The following CTPS2 variants were observed in gnomAD, a reference collection of about 807,000 sequenced individuals.
The protein encoded by CTPS2 is CTP synthase 2.
A neutral mutation model predicts 46.8 loss-of-function variants in CTPS2; 19 were observed. The observed-to-expected ratio is 0.41, with a 90% confidence interval of 0.28 to 0.60. The LOEUF is 0.60. Among genes scored for constraint, CTPS2 ranks in the 20% least tolerant of loss-of-function variants. The probability of loss-of-function intolerance (pLI) is 0.35; values close to 1 mark genes in which losing one functional copy is unlikely to be tolerated. For synonymous variants in CTPS2, 151 were observed against 165.2 expected (o/e 0.91, Z 0.66); for missense variants, 286 against 447.6 (o/e 0.64, Z 3.26).
At chrX:16,646,947 T>C (rs777972074) in intron 13 of CTPS2, among the ~76,000 whole-genome samples, 1 of 112,004 alleles carries the variant, frequency 8.9e-6, no homozygotes, top group Non-Finnish European at 1.9e-5. Flanking sequence ...GTGCCTGTCG[T>C]TTCCCCCCTT....
rs770159997 is a variant in CTPS2 at position 16,590,804 on chromosome X, C to T, written c.1750G>A (p.Glu584Lys). 8 of 1,197,497 alleles carry T rather than the reference C, an allele frequency of 6.7e-6. No individual in the cohort carries two copies. The highest frequency in any genetic ancestry group is 7.9e-6 in the Non-Finnish European group (7 of 883,110). The change falls in exon 18 of 19, where the codon GAA (glutamate) becomes AAA (lysine). Residue 584 changes from glutamate to lysine, a missense_variant. Coordinates refer to ENST00000359276, the MANE Select transcript of CTPS2 (RefSeq NM_175859.3). ...GTCATGTATTCATTTCAGCTTATTTCCAACTCAGCTATCCTTGGCTCTGAA... is the reference window on the plus strand; with the variant it reads ...GTCATGTATTCATTTCAGCTTATTTTCAACTCAGCTATCCTTGGCTCTGAA... ...SFSEPRIAELEIS is the reference protein window; with the variant it reads ...SFSEPRIAELKIS
At chrX:16,668,739 G>C (rs1921432212) in intron 11 of CTPS2, among the ~76,000 whole-genome samples, 1 of 85,650 alleles carries the variant, frequency 1.2e-5, no homozygotes, top group African/African-American at 4.6e-5. Flanking sequence ...GGGAGAAAGA[G>C]AGAAAGAAAG....
chrX:16,661,772 G>A (rs933302690), intron 13 of CTPS2, among the ~76,000 whole-genome samples: 4 of 111,003 alleles, frequency 3.6e-5, no homozygotes, highest in African/African-American at 6.5e-5. Flanking sequence ...TTTGCATCTC[G>A]TTAAAATGCT....
chrX:16,671,072 T>A (rs952724931), intron 10 of CTPS2, among the ~76,000 whole-genome samples: 3 of 111,875 alleles, frequency 2.7e-5, no homozygotes, highest in Non-Finnish European at 3.8e-5. Context: ...AAAATCAGCC[T>A]AAGATTTCAA....
chrX:16,599,476 CTTT>C (rs56794396), intron 17 of CTPS2, among the ~76,000 whole-genome samples: 4 of 86,212 alleles, frequency 4.6e-5, no homozygotes, highest in African/African-American at 4.6e-5. Flanking sequence ...TCTTTTTTTT[CTTT>C]TTTTTTTTTT....
At chrX:16,706,221 C>T (rs1235808251) in intron 1 of CTPS2, among the ~76,000 whole-genome samples, 4 of 106,873 alleles carry the variant, frequency 3.7e-5, no homozygotes, top group East Asian at 3.0e-4. Context: ...ATCAGGAGTT[C>T]GAGACCAGCC....
intron 8 of CTPS2, among the ~76,000 whole-genome samples, chrX:16,684,875 G>A (rs1177721249): frequency 8.9e-6 from 1 of 111,748 alleles, no homozygotes; most frequent in East Asian, 2.8e-4. Context: ...CAGATCACTT[G>A]AGATCAGGAG....
At chrX:16,648,793 G>A (rs928408168) in intron 13 of CTPS2, among the ~76,000 whole-genome samples, 7 of 112,189 alleles carry the variant, frequency 6.2e-5, no homozygotes, top group Admixed American at 1.9e-4. Flanking sequence ...CAAGACTGGC[G>A]GGAAGCTTTT....
intron 15 of CTPS2, among the ~76,000 whole-genome samples, chrX:16,619,579 G>A (rs1930709565): frequency 1.8e-5 from 2 of 110,367 alleles, no homozygotes; most frequent in African/African-American, 6.6e-5. Context: ...GCCATGCCTG[G>A]AGCCTGTCCA....
chrX:16,639,096 C>A, intron 14 of CTPS2, 51 bp downstream of exon 14: 1 of 1,000,194 alleles, frequency 1.0e-6, no homozygotes, highest in South Asian at 1.9e-5. Flanking sequence ...CACCTGCAGT[C>A]ACATGAGCCA....
At chrX:16,685,644 G>A (rs1422709375) in intron 8 of CTPS2, among the ~76,000 whole-genome samples, 1 of 107,232 alleles carries the variant, frequency 9.3e-6, no homozygotes, top group Non-Finnish European at 1.9e-5. Context: ...GGATTACGAT[G>A]TCAGGAGATC....
At chrX:16,651,048 TGAAAAATATGCAGCCAAA>T in intron 13 of CTPS2, 1 of 1,205,566 alleles carries the variant, frequency 8.3e-7, no homozygotes, top group Non-Finnish European at 1.1e-6. Flanking sequence ...AGAGGATTTT[TGAAAAATATGCAGCCAAA>T]GAAGGTGATC....
At chrX:16,699,273 T>C (rs1283578499) in intron 2 of CTPS2, among the ~76,000 whole-genome samples, 180 bp from the exon 3 acceptor site, 1 of 112,001 alleles carries the variant, frequency 8.9e-6, no homozygotes, top group Non-Finnish European at 1.9e-5. Flanking sequence ...CATCAGAAAA[T>C]TCTATTTATA....
At chrX:16,611,040 G>A (rs1358680018) in intron 16 of CTPS2, among the ~76,000 whole-genome samples, 7 of 112,113 alleles carry the variant, frequency 6.2e-5, no homozygotes, top group Non-Finnish European at 9.4e-5. Context: ...CTACCAGAGG[G>A]AGGAAGGAAA....
chrX:16,643,450 G>A (rs991073636), intron 13 of CTPS2, among the ~76,000 whole-genome samples: 7 of 110,193 alleles, frequency 6.4e-5, no homozygotes, highest in African/African-American at 1.3e-4. Context: ...GAAGCAATCC[G>A]CCCACCTCAG....
chrX:16,603,714 C>CT (rs911393503), intron 17 of CTPS2, among the ~76,000 whole-genome samples: 11 of 109,193 alleles, frequency 1.0e-4, no homozygotes, highest in South Asian at 3.9e-4. Flanking sequence ...TTTGTGGGTG[C>CT]TTTTTTTTTC....
rs192916031 is a variant in CTPS2, at chrX:16,662,964, A to G, written c.1296+4550T>C. Among the ~76,000 whole-genome samples the G allele has an allele frequency of 6.4e-3, 717 of 111,589 alleles. 9 individuals carry two copies. Among genetic ancestry groups the G allele is most frequent in the African/African-American group, 0.022 (684 of 30,675 alleles). ...TATATGTACATGGATACTAATTTGC[A>G]GCATAAATTAAAGCAGCAAAATAAT... On this transcript the variant is annotated intron_variant, in intron 13 of 18. Coordinates refer to ENST00000359276, the MANE Select transcript of CTPS2 (RefSeq NM_175859.3).
chrX:16,654,337 G>GA, intron 13 of CTPS2: 5 of 722,691 alleles, frequency 6.9e-6, no homozygotes, highest in Non-Finnish European at 1.0e-5. Context: ...TAATTTCTGA[G>GA]AATGTGTAGC....
intron 13 of CTPS2, among the ~76,000 whole-genome samples, chrX:16,644,848 G>A (rs1198485305): frequency 8.9e-6 from 1 of 112,721 alleles, no homozygotes; most frequent in Non-Finnish European, 1.9e-5. Context: ...TTTCATAAAT[G>A]CATCTCCTCT....
Sources: gnomAD v4.1 joint callset for allele counts (sites outside exome capture counted in the v4.1 genomes callset) on GRCh38, gnomAD v4.1.1 for gene constraint, MANE v1.5 for transcripts, NCBI Gene and HGNC (gene_info 2026-07-23, HGNC 2026-07-21) for gene names.